The following CAPS2 variants were observed in gnomAD, a reference collection of about 807,000 sequenced individuals.
The protein encoded by CAPS2 is calcyphosin-2.
CAPS2 carries 98 observed loss-of-function variants against 86.5 expected under a neutral mutation model. That is an observed-to-expected ratio of 1.13 (90% CI 0.96 to 1.34). CAPS2 has a LOEUF of 1.34. Among genes scored for constraint, CAPS2 ranks in the 40% most tolerant of loss-of-function variants. The pLI is 0.00. For missense variants in CAPS2, 729 were observed against 686.8 expected (o/e 1.06, Z -0.69); for synonymous variants, 210 against 225.1 (o/e 0.93, Z 0.60).
intron 1 of CAPS2, among the ~76,000 whole-genome samples, chr12:75,341,929 G>A (rs1239081735): frequency 2.0e-5 from 3 of 151,826 alleles, no homozygotes; most frequent in African/African-American, 7.3e-5. Context: ...TGTATTTTTA[G>A]TAGCGATGGG....
exon 12 of CAPS2, chr12:75,293,318 C>T (rs750861360): frequency 3.7e-6 from 6 of 1,611,794 alleles, no homozygotes; most frequent in Non-Finnish European, 4.2e-6. Flanking sequence ...TTCTTTGATG[C>T]TTTCTGGAAG....
chr12:75,322,800 T>C, intron 4 of CAPS2: 1 of 533,434 alleles, frequency 1.9e-6, no homozygotes, highest in Non-Finnish European at 3.4e-6. Flanking sequence ...TTTAAAAATT[T>C]TAAAATACCA....
At chr12:75,288,386 T>C (rs981831818) in intron 14 of CAPS2, among the ~76,000 whole-genome samples, 2 of 152,126 alleles carry the variant, frequency 1.3e-5, no homozygotes, top group African/African-American at 2.4e-5. Context: ...CAACTCTAAC[T>C]ATAGCAATTA....
chr12:75,284,877 A>T, intron 15 of CAPS2, 84 bp downstream of exon 15: 2 of 1,245,362 alleles, frequency 1.6e-6, no homozygotes, highest in Non-Finnish European at 2.2e-6. Context: ...AAAACTTTTA[A>T]ATGGTAATTC....
chr12:75,347,133 G>T (rs1565969090), intron 1 of CAPS2, among the ~76,000 whole-genome samples: 2 of 151,528 alleles, frequency 1.3e-5, no homozygotes, highest in African/African-American at 2.4e-5. Flanking sequence ...AACTCAATAT[G>T]TTTTTCATTC....
chr12:75,363,305 G>T, intron 1 of CAPS2: 1 of 428,954 alleles, frequency 2.3e-6, no homozygotes, highest in Admixed American at 4.4e-5. Flanking sequence ...TTTGACTGTT[G>T]TTATCTTACG....
At chr12:75,320,241 T>C (rs551678181) in intron 5 of CAPS2, among the ~76,000 whole-genome samples, 84 of 152,246 alleles carry the variant, frequency 5.5e-4, no homozygotes, top group South Asian at 1.7e-3. Context: ...AAGTCCTCAT[T>C]TGAATTTGCA....
intron 14 of CAPS2, among the ~76,000 whole-genome samples, chr12:75,288,623 C>G (rs2035311853): frequency 1.3e-5 from 2 of 152,196 alleles, no homozygotes; most frequent in African/African-American, 4.8e-5. Context: ...GGTTCATATG[C>G]TTTTAGAATA....
In CAPS2 at chr12:75,279,066, C is replaced by T. The variant is rs1335806009; in HGVS notation, c.1613-1G>A. On this transcript the variant is annotated splice_acceptor_variant, in intron 16 of 16. Transcript: ENST00000393284. LOFTEE classifies it high-confidence loss of function. ...TTGATTTCTTCCTCTGTTGAATGGC[C>T]TATAAAATAGTACTGAGTATGAAAC... 3.2e-6 allele frequency: 5 copies of T among 1,581,570 alleles called. No homozygotes were observed. The African/African-American group carries it at 6.8e-5, about 22-fold the overall frequency.
At chr12:75,385,533 C>G (rs2045247023) in intron 1 of CAPS2, among the ~76,000 whole-genome samples, 2 of 152,144 alleles carry the variant, frequency 1.3e-5, no homozygotes, top group South Asian at 4.1e-4. Context: ...AGGAAGCTTT[C>G]TCACTAAGAT....
chr12:75,324,987 CT>C (rs1206934832), intron 2 of CAPS2, among the ~76,000 whole-genome samples: 2 of 151,958 alleles, frequency 1.3e-5, no homozygotes, highest in African/African-American at 4.8e-5. Context: ...AATATTTTCA[CT>C]TTTTCAGGAA....
chr12:75,385,865 CAAAT>C (rs1284001432), intron 1 of CAPS2, among the ~76,000 whole-genome samples: 1 of 152,104 alleles, frequency 6.6e-6, no homozygotes, highest in African/African-American at 2.4e-5. Context: ...CACACACAAA[CAAAT>C]ACTTAGTCAT....
At chr12:75,319,318 C>T (rs1477679572) in intron 5 of CAPS2, among the ~76,000 whole-genome samples, 2 of 152,104 alleles carry the variant, frequency 1.3e-5, no homozygotes, top group African/African-American at 4.8e-5. Context: ...GTGAATAGAT[C>T]AGTGTTGTCC....
intron 1 of CAPS2, among the ~76,000 whole-genome samples, chr12:75,370,856 C>CT (rs2044314652): frequency 6.6e-6 from 1 of 152,074 alleles, no homozygotes; most frequent in African/African-American, 2.4e-5. Context: ...ACTGGCATTT[C>CT]TTTTTTCTGA....
At chr12:75,323,247 C>T (rs1343234552) in intron 2 of CAPS2, 25 bp from the exon 4 acceptor site, 25 of 1,527,920 alleles carry the variant, frequency 1.6e-5, no homozygotes, top group Admixed American at 1.0e-4. Context: ...CTATGTATCC[C>T]GTAACTTTTT....
chr12:75,338,757 G>A lies in CAPS2; in HGVS notation c.-394-15535C>T, dbSNP rs576562085. ...TCCTGAAGCTCTCTCTCCTCCCACCGCCTTCTGCCTACAGGCCCCAATGTG... is the reference window on the plus strand; with the variant it reads ...TCCTGAAGCTCTCTCTCCTCCCACCACCTTCTGCCTACAGGCCCCAATGTG... On this transcript the variant is annotated intron_variant, in intron 1 of 5. Coordinates refer to the CAPS2 transcript ENST00000551829. Among the ~76,000 whole-genome samples, 5 of 151,936 alleles carry A rather than the reference G, an allele frequency of 3.3e-5. No homozygotes were observed. In the South Asian group the frequency reaches 6.3e-4, roughly 19 times the overall value.
chr12:75,382,572 G>A (rs936489584), intron 1 of CAPS2, among the ~76,000 whole-genome samples: 5 of 151,852 alleles, frequency 3.3e-5, no homozygotes, highest in South Asian at 2.1e-4. Flanking sequence ...CCCAAGAAGC[G>A]GAGGTTGCTG....
At chr12:75,352,722 A>G (rs1373764730) in intron 1 of CAPS2, among the ~76,000 whole-genome samples, 1 of 152,224 alleles carries the variant, frequency 6.6e-6, no homozygotes, top group Non-Finnish European at 1.5e-5. Flanking sequence ...GCCACAAGGC[A>G]CTTACTCTAA....
upstream of CAPS2, chr12:75,334,655 T>G (rs1593624819): frequency 6.4e-7 from 1 of 1,554,714 alleles, no homozygotes; most frequent in Non-Finnish European, 8.7e-7. Flanking sequence ...TGCGGGGGCG[T>G]GGGGAAATCG....
Sources: gnomAD v4.1 joint callset for allele counts (sites outside exome capture counted in the v4.1 genomes callset) on GRCh38, gnomAD v4.1.1 for gene constraint, MANE v1.5 for transcripts, NCBI Gene and HGNC (gene_info 2026-07-23, HGNC 2026-07-21) for gene names.